PCNX2: variants seen among roughly 807,000 people sequenced by gnomAD.
PCNX2 encodes pecanex 2.
In PCNX2, 168 loss-of-function variants were observed where a neutral mutation model predicts 223.8. The observed-to-expected ratio is 0.75, with a 90% CI of 0.66 to 0.85. The LOEUF is 0.85. Ranked by LOEUF, PCNX2 falls within the 40% of genes least tolerant of loss-of-function variation. The pLI, the probability that PCNX2 is intolerant of heterozygous loss-of-function variation, is 0.00. For synonymous variants in PCNX2, 1,006 were observed against 1,052.6 expected, an observed-to-expected ratio of 0.96 and a Z score of 0.86; for missense variants, 2,507 against 2,675.5, an observed-to-expected ratio of 0.94 and a Z score of 1.39.
chr1:233,107,988 T>G (rs1404800471), intron 21 of PCNX2, among the ~76,000 whole-genome samples: 1 of 152,202 alleles, frequency 6.6e-6, no homozygotes, highest in Non-Finnish European at 1.5e-5. Context: ...TAGTCCTCAC[T>G]GCTACACTCC....
At position 233,095,746 on chromosome 1, in the gene PCNX2, A is replaced by C. The variant is rs960863564; in HGVS notation, c.3946+9T>G. The C allele has an allele frequency of 3.0e-5, 47 of 1,581,744 alleles. No homozygotes were observed. The highest frequency in any genetic ancestry group is 3.7e-5 in the Non-Finnish European group (43 of 1,156,338). Reference sequence around the variant, plus strand: ...AGCTGGAGGGTGAAAATAGAAGCAGAAAGGATACGAGGAATGGCAAAGAGC... The same window carrying C: ...AGCTGGAGGGTGAAAATAGAAGCAGCAAGGATACGAGGAATGGCAAAGAGC... On this transcript the variant is annotated intron_variant, in intron 22 of 33. Transcript: ENST00000258229.
At chr1:233,016,729 A>C in intron 27 of PCNX2, 192 bp downstream of exon 27, 1 of 962,088 alleles carries the variant, frequency 1.0e-6, no homozygotes, top group Non-Finnish European at 1.2e-6. Context: ...AGTGTCCTTC[A>C]TTGGAGACAT....
rs1217048296 is a variant in PCNX2, at chr1:233,090,142, G to A, written c.3995C>T (p.Thr1332Ile). The part of the protein sequence containing the change: ...FQTIATSIFS[T>I]PLSPFLGSVI... Reference sequence around the variant, plus strand: ...ACTCCCAAGAAATGGGCTCAATGGGGTAGAAAAGATTGATGTGGCAATCGT... The same window carrying A: ...ACTCCCAAGAAATGGGCTCAATGGGATAGAAAAGATTGATGTGGCAATCGT... The change falls in exon 23 of 34, where the codon ACC becomes ATC. Residue 1332 changes from threonine (T) to isoleucine (I), a missense_variant. Coordinates refer to ENST00000258229, the MANE Select transcript of PCNX2 (RefSeq NM_014801.4). 33 of 1,613,748 alleles carry A rather than the reference G, an allele frequency of 2.0e-5. No individual in the cohort carries two copies. The highest frequency in any genetic ancestry group is 2.0e-4 in the East Asian group (9 of 44,892).
At chr1:233,262,317 G>A in intron 2 of PCNX2, 152 bp from the exon 3 acceptor site, 3 of 518,516 alleles carry the variant, frequency 5.8e-6, no homozygotes, top group Non-Finnish European at 7.4e-6. Context: ...TAAGAGACAG[G>A]GCTTCGCTCT....
chr1:233,213,264 A>G (rs1162338473), intron 12 of PCNX2, among the ~76,000 whole-genome samples: 1 of 152,142 alleles, frequency 6.6e-6, no homozygotes, highest in Admixed American at 6.6e-5. Context: ...GCTTAAGGAA[A>G]ATCTGAGAAA....
intron 9 of PCNX2, among the ~76,000 whole-genome samples, chr1:233,235,970 A>ATATATG (rs1658382362): frequency 7.0e-6 from 1 of 142,338 alleles, no homozygotes; most frequent in South Asian, 2.1e-4. Flanking sequence ...ATATATATAT[A>ATATATG]TATATATATA....
chr1:233,136,180 A>T (rs546207261), intron 20 of PCNX2, among the ~76,000 whole-genome samples: 4 of 152,212 alleles, frequency 2.6e-5, no homozygotes, highest in Non-Finnish European at 5.9e-5. Flanking sequence ...CAATTCTAAC[A>T]TGCTATGATA....
chr1:233,158,032 G>A (rs541036609), intron 19 of PCNX2, among the ~76,000 whole-genome samples: 1 of 152,008 alleles, frequency 6.6e-6, no homozygotes, highest in African/African-American at 2.4e-5. Context: ...CTCCGAGAGG[G>A]GAAGTCAGAA....
At chr1:233,247,061 A>C (rs919204270) in intron 8 of PCNX2, among the ~76,000 whole-genome samples, 1 of 152,238 alleles carries the variant, frequency 6.6e-6, no homozygotes, top group Non-Finnish European at 1.5e-5. Flanking sequence ...TGTTTGAGAC[A>C]ATCGGAATAT....
At chr1:233,112,205 C>T (rs1675153412) in intron 21 of PCNX2, among the ~76,000 whole-genome samples, 2 of 152,176 alleles carry the variant, frequency 1.3e-5, no homozygotes, top group Admixed American at 1.3e-4. Context: ...AATATGAGCA[C>T]CTGGTATAGA....
chr1:233,172,056 A>G (rs1303045646), intron 17 of PCNX2, among the ~76,000 whole-genome samples: 10 of 152,146 alleles, frequency 6.6e-5, no homozygotes, highest in Non-Finnish European at 1.3e-4. Context: ...CTCTCTTTCA[A>G]ACATGCTGGA....
At chr1:233,209,977 T>C (rs1681730153) in intron 12 of PCNX2, among the ~76,000 whole-genome samples, 1 of 152,230 alleles carries the variant, frequency 6.6e-6, no homozygotes. Flanking sequence ...GGAAATATCA[T>C]TAAATAGCTA....
intron 21 of PCNX2, among the ~76,000 whole-genome samples, chr1:233,127,954 A>AT (rs924890843): frequency 2.0e-5 from 3 of 152,176 alleles, no homozygotes; most frequent in Non-Finnish European, 4.4e-5. Context: ...ATAAGTATGT[A>AT]TTTTTTTAAA....
At chr1:233,248,116 G>A (rs550662275) in intron 8 of PCNX2, among the ~76,000 whole-genome samples, 1 of 152,296 alleles carries the variant, frequency 6.6e-6, no homozygotes, top group East Asian at 1.9e-4. Context: ...CAAGGGGAAA[G>A]TTGCTTGCAA....
intron 19 of PCNX2, among the ~76,000 whole-genome samples, chr1:233,152,822 C>T (rs958114664): frequency 1.3e-5 from 2 of 152,302 alleles, no homozygotes; most frequent in Non-Finnish European, 2.9e-5. Flanking sequence ...GGAGGATGCA[C>T]TTAGGGAGCG....
intron 25 of PCNX2, among the ~76,000 whole-genome samples, chr1:233,046,357 A>G (rs1240185136): frequency 6.6e-6 from 1 of 152,238 alleles, no homozygotes; most frequent in Non-Finnish European, 1.5e-5. Flanking sequence ...TGGAGGTAAA[A>G]TAAAACAGAC....
Position 233,254,798 on chromosome 1 carries a change from A to T in PCNX2, c.1835-2010T>A, listed in dbSNP as rs532294664. Among the ~76,000 whole-genome samples the T allele has an allele frequency of 8.5e-4, 129 of 151,956 alleles. 3 individuals are homozygous for T. In the South Asian group the frequency reaches 0.026, roughly 31 times the overall value. ...TTATAAATATTTAATGTTATTGGAT[A>T]TTCATCTACATCATCTAAAAATAGT... On this transcript the variant is annotated intron_variant, in intron 5 of 33. Transcript: ENST00000258229.
chr1:233,169,305 T>C (rs1678991615), intron 17 of PCNX2, among the ~76,000 whole-genome samples: 1 of 152,174 alleles, frequency 6.6e-6, no homozygotes, highest in African/African-American at 2.4e-5. Context: ...TGGATAAATA[T>C]TTGATTTTAT....
intron 22 of PCNX2, among the ~76,000 whole-genome samples, chr1:233,093,079 G>A (rs527369049): frequency 1.2e-4 from 19 of 152,272 alleles, no homozygotes; most frequent in Middle Eastern, 3.4e-3. Flanking sequence ...GATTACAGGC[G>A]TGAGCCACTG....
Sources: gnomAD v4.1 joint callset for allele counts (sites outside exome capture counted in the v4.1 genomes callset) on GRCh38, gnomAD v4.1.1 for gene constraint, MANE v1.5 for transcripts, NCBI Gene and HGNC (gene_info 2026-07-23, HGNC 2026-07-21) for gene names.